The following GLIS3 variants were observed in gnomAD, a reference collection of about 807,000 sequenced individuals.
The protein encoded by GLIS3 is zinc finger protein GLIS3.
Under a neutral mutation model 78.6 loss-of-function variants are expected in GLIS3, and 53 were observed. The observed-to-expected ratio is 0.67, with a 90% CI of 0.54 to 0.85. The LOEUF (loss-of-function observed/expected upper bound fraction) is 0.85. Among genes scored for constraint, GLIS3 ranks in the 40% least tolerant of loss-of-function variants. The probability of loss-of-function intolerance (pLI) is 0.00; values close to 1 mark genes in which losing one functional copy is unlikely to be tolerated. For missense variants in GLIS3, 1,703 were observed against 1,231.1 expected (o/e 1.38, Z -5.74); for synonymous variants, 684 against 509.9 (o/e 1.34, Z -4.60).
intron 2 of GLIS3, among the ~76,000 whole-genome samples, chr9:4,141,799 A>C (rs1189919030): frequency 6.6e-6 from 1 of 152,238 alleles, no homozygotes; most frequent in African/African-American, 2.4e-5. Flanking sequence ...CTAAAATACC[A>C]AAATATAAAA....
intron 2 of GLIS3, among the ~76,000 whole-genome samples, chr9:4,339,331 G>A (rs898428566): frequency 1.3e-5 from 2 of 152,182 alleles, no homozygotes; most frequent in African/African-American, 4.8e-5. Context: ...TCATTTTGAA[G>A]TACCAAAGAC....
At chr9:4,185,479 T>C (rs2131190853) in intron 2 of GLIS3, among the ~76,000 whole-genome samples, 1 of 152,322 alleles carries the variant, frequency 6.6e-6, no homozygotes, top group East Asian at 1.9e-4. Flanking sequence ...AAAAAAGTGG[T>C]AGAATATCAA....
the GLIS3 span, among the ~76,000 whole-genome samples, chr9:4,407,214 T>G: frequency 6.6e-6 from 1 of 152,188 alleles, no homozygotes; most frequent in African/African-American, 2.4e-5. Context: ...CTTCAATAAG[T>G]GACACTGGGA....
At chr9:4,426,589 G>A in the GLIS3 span, among the ~76,000 whole-genome samples, 1 of 152,138 alleles carries the variant, frequency 6.6e-6, no homozygotes. Flanking sequence ...CTTCCTTTGT[G>A]CACACAGCCT....
intron 2 of GLIS3, among the ~76,000 whole-genome samples, chr9:4,246,166 C>A (rs1474097179): frequency 6.6e-6 from 1 of 152,142 alleles, no homozygotes; most frequent in Admixed American, 6.6e-5. Flanking sequence ...CAAGGCCAGC[C>A]TGGACAGCAT....
Position 4,155,087 on chromosome 9 carries a change from T to C in GLIS3, c.389-29146A>G, listed in dbSNP as rs984689735. On this transcript the variant is annotated intron_variant, in intron 2 of 10. Transcript: ENST00000381971. The stretch of plus-strand genomic sequence containing the variant: ...TACTAAAATATTAACAAATGATATC[T>C]GCATCTACAAAGTACTTGTAGATAA... Among the ~76,000 whole-genome samples, 5 of 152,340 alleles carry C rather than the reference T, an allele frequency of 3.3e-5. No homozygotes were observed. The East Asian group carries it at 7.7e-4, about 23-fold the overall frequency.
At chr9:4,361,005 A>T in the GLIS3 span, among the ~76,000 whole-genome samples, 1 of 152,210 alleles carries the variant, frequency 6.6e-6, no homozygotes, top group Non-Finnish European at 1.5e-5. Flanking sequence ...CCTAGCCTTG[A>T]CATTTTCTTT....
chr9:4,351,826 AAAG>A (rs996708515), upstream of GLIS3, among the ~76,000 whole-genome samples: 1 of 152,146 alleles, frequency 6.6e-6, no homozygotes, highest in Non-Finnish European at 1.5e-5. Flanking sequence ...ACTGGAGCAC[AAAG>A]AAGTCATTTT....
chr9:3,877,912 G>C (rs1020403113), intron 8 of GLIS3, among the ~76,000 whole-genome samples: 2 of 152,020 alleles, frequency 1.3e-5, no homozygotes, highest in African/African-American at 2.4e-5. Flanking sequence ...TCTTAACAAA[G>C]AGCCTATAAT....
intron 2 of GLIS3, among the ~76,000 whole-genome samples, chr9:4,169,918 T>C (rs1402307128): frequency 6.6e-6 from 1 of 152,160 alleles, no homozygotes; most frequent in African/African-American, 2.4e-5. Flanking sequence ...AATCAGTAAA[T>C]ATTGACCAAA....
intron 2 of GLIS3, among the ~76,000 whole-genome samples, chr9:4,280,384 G>C (rs1827437538): frequency 6.6e-6 from 1 of 152,054 alleles, no homozygotes; most frequent in African/African-American, 2.4e-5. Context: ...AACTTTCTTG[G>C]TTATGATTAA....
intron 4 of GLIS3, chr9:3,975,201 A>G (rs1406228346): frequency 1.3e-5 from 2 of 152,168 alleles, no homozygotes; most frequent in Admixed American, 1.3e-4. Flanking sequence ...GATGGAGACA[A>G]GCCCATTCTA....
intron 8 of GLIS3, among the ~76,000 whole-genome samples, chr9:3,859,663 T>G (rs992733761): frequency 6.6e-6 from 1 of 152,198 alleles, no homozygotes; most frequent in Non-Finnish European, 1.5e-5. Flanking sequence ...TGACATCTTT[T>G]CTAGGTCCAA....
At chr9:4,176,133 T>G (rs1171838400) in intron 2 of GLIS3, among the ~76,000 whole-genome samples, 1 of 152,128 alleles carries the variant, frequency 6.6e-6, no homozygotes, top group Non-Finnish European at 1.5e-5. Flanking sequence ...ATTCCTGGAT[T>G]CTATCAGAAA....
intron 7 of GLIS3, among the ~76,000 whole-genome samples, chr9:3,883,030 G>A (rs369866549): frequency 4.6e-5 from 7 of 152,248 alleles, no homozygotes; most frequent in African/African-American, 1.7e-4. Flanking sequence ...TTTGGAGGAA[G>A]TAACAACAGA....
chr9:4,117,658 C>T, intron 4 of GLIS3, 110 bp downstream of exon 4: 1 of 1,223,240 alleles, frequency 8.2e-7, no homozygotes. Flanking sequence ...CTCATGGATA[C>T]CTAGACCCCC....
chr9:4,416,511 T>A, the GLIS3 span, among the ~76,000 whole-genome samples: 8 of 152,248 alleles, frequency 5.3e-5, no homozygotes, highest in South Asian at 6.2e-4. Context: ...CTTCTTTTTG[T>A]AATATAAATA....
chr9:4,424,903 C>T, the GLIS3 span, among the ~76,000 whole-genome samples: 6 of 151,600 alleles, frequency 4.0e-5, no homozygotes, highest in South Asian at 4.2e-4. Flanking sequence ...GAAAAGAATA[C>T]ACTGGGCATT....
chr9:4,162,835 C>G (rs991764581), intron 2 of GLIS3, among the ~76,000 whole-genome samples: 1 of 127,692 alleles, frequency 7.8e-6, no homozygotes, highest in Admixed American at 9.4e-5. Context: ...CCAGCCCGGG[C>G]GACAGAGTCT....
Sources: allele counts gnomAD v4.1 joint callset (sites outside exome capture counted in the v4.1 genomes callset), GRCh38; gene constraint gnomAD v4.1.1; transcripts MANE v1.5; gene names NCBI Gene and HGNC (gene_info 2026-07-23, HGNC 2026-07-21).